MTMR8: variants seen among roughly 807,000 people sequenced by gnomAD.
The protein encoded by MTMR8 is myotubularin related protein 8.
MTMR8 carries 65 observed loss-of-function variants against 39.3 expected under a neutral mutation model. The ratio of observed to expected loss-of-function variants is 1.65; its 90% confidence interval spans 1.35 to 2.03. The LOEUF (loss-of-function observed/expected upper bound fraction) is 2.03. Among genes scored for constraint, MTMR8 ranks in the 30% most tolerant of loss-of-function variants. The probability of loss-of-function intolerance (pLI) is 0.00; values close to 1 mark genes in which losing one functional copy is unlikely to be tolerated. For synonymous variants in MTMR8, 245 were observed against 185.2 expected (o/e 1.32, Z -2.62); for missense variants, 777 against 538.9 (o/e 1.44, Z -4.37).
In MTMR8 at chrX:64,268,975, G is replaced by A. The variant is rs766417080; in HGVS notation, c.1677C>T (p.Ser559=). The A allele has an allele frequency of 2.5e-6, 3 of 1,209,689 alleles. No homozygotes were observed. In the African/African-American group the frequency reaches 5.3e-5, roughly 21 times the overall value. ...TGGTCAAAGGACTTCCCAGATGCTGGGATAATATGTTTCCTAATTGAGAGC... is the reference window on the plus strand; with the variant it reads ...TGGTCAAAGGACTTCCCAGATGCTGAGATAATATGTTTCCTAATTGAGAGC... ...CTCSQLGNIL[S]QHLGSPLTNP... The change falls in exon 14 of 14, where the codon TCC becomes TCT. Residue 559 remains serine, a synonymous_variant. Coordinates refer to ENST00000374852, the MANE Select transcript of MTMR8 (RefSeq NM_017677.4).
rs768954909 is a variant in MTMR8, at chrX:64,366,882, G to A, written c.25-7355C>T. Among the ~76,000 whole-genome samples, 165 of 111,527 alleles carry A rather than the reference G, an allele frequency of 1.5e-3. 1 individual carries two copies. The highest frequency in any genetic ancestry group is 5.2e-3 in the African/African-American group (160 of 30,698). ...AGCAAGACTAATAAAGAAGAAGAGAGAAGAATCAAATAGATGCAATAAAAA... is the reference window on the plus strand; with the variant it reads ...AGCAAGACTAATAAAGAAGAAGAGAAAAGAATCAAATAGATGCAATAAAAA... On this transcript the variant is annotated intron_variant, in intron 1 of 13. Transcript: ENST00000374852.
At position 64,342,234 on chromosome X, in the gene MTMR8, C is replaced by T. The variant is rs184382354; in HGVS notation, c.975+1377G>A. Among the ~76,000 whole-genome samples, 343 of 112,537 alleles carry T rather than the reference C, an allele frequency of 3.0e-3. 1 individual carries two copies. Among genetic ancestry groups the T allele is most frequent in the Non-Finnish European group, 5.9e-3 (314 of 53,313 alleles). On this transcript the variant is annotated intron_variant, in intron 8 of 13. Coordinates refer to ENST00000374852, the MANE Select transcript of MTMR8 (RefSeq NM_017677.4). ...TTACACTGTGAACAATGGATTGTGG[C>T]TATCTTAACTAGAGAAATAGCAGTG...
chrX:64,381,843 C>T (rs1924435168), intron 1 of MTMR8, among the ~76,000 whole-genome samples: 1 of 111,691 alleles, frequency 9.0e-6, no homozygotes, highest in African/African-American at 3.3e-5. Context: ...TTTCCAAGCA[C>T]TATTTATTAA....
At chrX:64,372,795 C>T (rs935294490) in intron 1 of MTMR8, among the ~76,000 whole-genome samples, 32 of 112,022 alleles carry the variant, frequency 2.9e-4, no homozygotes, top group South Asian at 1.9e-3. Flanking sequence ...GAACATAGTA[C>T]ACAAGTTTCT....
At chrX:64,335,938 A>G (rs937116190) in intron 10 of MTMR8, 141 bp downstream of exon 10, 5 of 415,975 alleles carry the variant, frequency 1.2e-5, no homozygotes, top group Non-Finnish European at 2.0e-5. Flanking sequence ...AGTATCTAGA[A>G]TACTTGTTTC....
chrX:64,292,998 G>A (rs141711911), intron 12 of MTMR8, among the ~76,000 whole-genome samples: 1 of 110,875 alleles, frequency 9.0e-6, no homozygotes, highest in Non-Finnish European at 1.9e-5. Flanking sequence ...CCTTATAAAG[G>A]CCTGGGAAGA....
intron 12 of MTMR8, chrX:64,305,505 G>A: frequency 2.9e-6 from 1 of 343,186 alleles, no homozygotes; most frequent in Admixed American, 4.1e-5. Context: ...TGTCAGGATT[G>A]CCCACAAGTA....
At chrX:64,337,142 T>C (rs1923097410) in intron 9 of MTMR8, 126 bp downstream of exon 9, 2 of 697,689 alleles carry the variant, frequency 2.9e-6, no homozygotes, top group Admixed American at 3.7e-5. Flanking sequence ...AGAAGCTAAA[T>C]TGGAAAAGCT....
chrX:64,315,560 T>C (rs967395509), intron 12 of MTMR8, among the ~76,000 whole-genome samples: 1 of 112,028 alleles, frequency 8.9e-6, no homozygotes, highest in Admixed American at 9.4e-5. Context: ...ATATGGCCTC[T>C]GCTGCTTCCA....
Position 64,389,018 on chromosome X carries a change from G to T in MTMR8, c.24+6322C>A, listed in dbSNP as rs185387772. 9.8e-5 allele frequency among the ~76,000 whole-genome samples: 11 copies of T among 111,958 alleles called. No homozygotes were observed. In the East Asian group the frequency reaches 3.1e-3, roughly 31 times the overall value. On this transcript the variant is annotated intron_variant, in intron 1 of 13. Coordinates refer to ENST00000374852, the MANE Select transcript of MTMR8 (RefSeq NM_017677.4). Reference sequence around the variant, plus strand: ...GTAAAGAGCACAAACTTGGGTCACAGACTGTTTGGCTTCGTATTTCCAGCT... The same window carrying T: ...GTAAAGAGCACAAACTTGGGTCACATACTGTTTGGCTTCGTATTTCCAGCT...
intron 1 of MTMR8, among the ~76,000 whole-genome samples, chrX:64,374,299 A>T (rs972739498): frequency 1.8e-5 from 2 of 111,912 alleles, no homozygotes; most frequent in African/African-American, 6.5e-5. Context: ...TGAATATTCA[A>T]AGGTATTCTT....
At chrX:64,269,169 C>A (rs751419644) in intron 13 of MTMR8, 126 bp from the exon 14 acceptor site, 24 of 635,399 alleles carry the variant, frequency 3.8e-5, no homozygotes, top group Non-Finnish European at 5.7e-5. Flanking sequence ...CTTTTGCTCA[C>A]CCCCTCCCCC....
At chrX:64,312,604 A>C (rs1349740513) in intron 12 of MTMR8, among the ~76,000 whole-genome samples, 1 of 112,707 alleles carries the variant, frequency 8.9e-6, no homozygotes, top group Non-Finnish European at 1.9e-5. Flanking sequence ...AAAATCATGA[A>C]TATTCTTAAT....
intron 1 of MTMR8, among the ~76,000 whole-genome samples, chrX:64,366,806 T>C (rs778072079): frequency 9.0e-6 from 1 of 111,309 alleles, no homozygotes; most frequent in Non-Finnish European, 1.9e-5. Context: ...AAAAAATCAA[T>C]GAATCCAGGA....
chrX:64,286,095 T>G (rs755111818), intron 12 of MTMR8, among the ~76,000 whole-genome samples: 22 of 110,515 alleles, frequency 2.0e-4, no homozygotes, highest in African/African-American at 5.9e-4. Context: ...TAATAAAGAA[T>G]AAAAGAGAGA....
chrX:64,385,096 T>C (rs1183735322), intron 1 of MTMR8, among the ~76,000 whole-genome samples: 1 of 111,995 alleles, frequency 8.9e-6, no homozygotes, highest in Non-Finnish European at 1.9e-5. Context: ...CTGATTAGAA[T>C]TTTTTTCATG....
At chrX:64,314,181 C>G (rs368435847) in intron 12 of MTMR8, among the ~76,000 whole-genome samples, 1 of 112,832 alleles carries the variant, frequency 8.9e-6, no homozygotes, top group African/African-American at 3.2e-5. Context: ...GACCGCTGGT[C>G]ACTACACTCT....
At chrX:64,353,587 A>G (rs937647476) in intron 4 of MTMR8, among the ~76,000 whole-genome samples, 4 of 112,122 alleles carry the variant, frequency 3.6e-5, no homozygotes, top group Non-Finnish European at 7.5e-5. Flanking sequence ...AAAGGCAATA[A>G]TGGATACTGG....
chrX:64,330,120 T>C (rs970901610), intron 11 of MTMR8, among the ~76,000 whole-genome samples: 18 of 112,145 alleles, frequency 1.6e-4, no homozygotes, highest in African/African-American at 5.8e-4. Flanking sequence ...TTTTAAAATA[T>C]GTTAAAATGT....
Sources: gnomAD v4.1 joint callset for allele counts (sites outside exome capture counted in the v4.1 genomes callset) on GRCh38, gnomAD v4.1.1 for gene constraint, MANE v1.5 for transcripts, NCBI Gene and HGNC (gene_info 2026-07-23, HGNC 2026-07-21) for gene names.